The following SEL1L2 variants were observed in gnomAD, a reference collection of about 807,000 sequenced individuals.
The protein encoded by SEL1L2 is protein sel-1 homolog 2.
SEL1L2 carries 89 observed loss-of-function variants against 98.8 expected under a neutral mutation model. The ratio of observed to expected loss-of-function variants is 0.90; its 90% confidence interval spans 0.76 to 1.07. SEL1L2 has a LOEUF of 1.07. Ranked by LOEUF, SEL1L2 falls within the 50% of genes least tolerant of loss-of-function variation. The pLI is 0.00. For missense variants in SEL1L2, 788 were observed against 812.0 expected (o/e 0.97, Z 0.36); for synonymous variants, 262 against 278.5 (o/e 0.94, Z 0.59).
intron 2 of SEL1L2, among the ~76,000 whole-genome samples, chr20:13,939,832 A>G: frequency 6.6e-6 from 1 of 152,048 alleles, no homozygotes; most frequent in East Asian, 1.9e-4. Flanking sequence ...ATGCCCAGCT[A>G]ATTTTTGTGT....
intron 1 of SEL1L2, among the ~76,000 whole-genome samples, chr20:13,977,854 A>T (rs2259790): frequency 0.21 from 32,058 of 152,146 alleles, 3,845 homozygotes; most frequent in African/African-American, 0.33. Flanking sequence ...AAAAAATTCA[A>T]GGAGGCATAA....
chr20:13,994,374 T>C (rs2052593298), upstream of SEL1L2, among the ~76,000 whole-genome samples: 1 of 151,124 alleles, frequency 6.6e-6, no homozygotes, highest in Admixed American at 6.6e-5. Context: ...GAGAGTGTCC[T>C]ACTACTAAAA....
upstream of SEL1L2, among the ~76,000 whole-genome samples, chr20:13,993,056 C>T (rs527586330): frequency 6.6e-6 from 1 of 152,254 alleles, no homozygotes; most frequent in African/African-American, 2.4e-5. Flanking sequence ...GAATGACTTA[C>T]AGAAGTGAGA....
At chr20:13,956,337 A>G (rs2050542880) in intron 1 of SEL1L2, among the ~76,000 whole-genome samples, 1 of 152,166 alleles carries the variant, frequency 6.6e-6, no homozygotes, top group Non-Finnish European at 1.5e-5. Flanking sequence ...ACTTGACACC[A>G]GAGACAATCT....
intron 14 of SEL1L2, among the ~76,000 whole-genome samples, chr20:13,868,975 T>C (rs1347957653): frequency 1.3e-5 from 2 of 152,128 alleles, no homozygotes; most frequent in Admixed American, 6.5e-5. Context: ...TTGAAAGTTC[T>C]TCCCTTGGCT....
chr20:13,984,019 CTTTT>C (rs11475402), intron 1 of SEL1L2, among the ~76,000 whole-genome samples: 3 of 132,242 alleles, frequency 2.3e-5, no homozygotes, highest in African/African-American at 2.7e-5. Flanking sequence ...AATCAGATTC[CTTTT>C]TTTTTTTTTT....
intron 12 of SEL1L2, among the ~76,000 whole-genome samples, chr20:13,874,760 T>C (rs759451236): frequency 2.0e-5 from 3 of 152,174 alleles, no homozygotes; most frequent in Non-Finnish European, 4.4e-5. Flanking sequence ...TAGTCACTTA[T>C]AAATAGGCTC....
chr20:13,925,748 T>C (rs1019242810), intron 3 of SEL1L2, among the ~76,000 whole-genome samples: 2 of 152,260 alleles, frequency 1.3e-5, no homozygotes, highest in Non-Finnish European at 2.9e-5. Context: ...TTCAGCTCCT[T>C]GTGAGCCCAG....
intron 2 of SEL1L2, among the ~76,000 whole-genome samples, chr20:13,945,500 AT>A (rs2049968035): frequency 6.6e-6 from 1 of 150,506 alleles, no homozygotes; most frequent in African/African-American, 2.4e-5. Flanking sequence ...ATATATATAT[AT>A]TTACATTTCT....
chr20:13,856,150 GTT>G (rs73615558), intron 18 of SEL1L2, among the ~76,000 whole-genome samples: 6 of 147,932 alleles, frequency 4.1e-5, no homozygotes, highest in Admixed American at 1.4e-4. Context: ...GTTTTTTGGG[GTT>G]TTTTTTTTTA....
intron 1 of SEL1L2, among the ~76,000 whole-genome samples, chr20:13,957,853 G>T (rs1440023105): frequency 6.6e-6 from 1 of 152,132 alleles, no homozygotes; most frequent in African/African-American, 2.4e-5. Flanking sequence ...CTCAAGCCTG[G>T]GTGACAGAGC....
rs578190565 is a variant in SEL1L2 at position 13,893,742 on chromosome 20, G to A, written c.550-5230C>T. ...AAAAGTATACATTATTCTCAAGGGC[G>A]CACAAAAACAGTCTCCAAGATAGAT... is the stretch of plus-strand genomic sequence containing the variant. On this transcript the variant is annotated intron_variant, in intron 5 of 19. Transcript: ENST00000284951. Among the ~76,000 whole-genome samples the A allele has an allele frequency of 1.5e-4, 23 of 152,142 alleles. No individual in the cohort carries two copies. The East Asian group carries it at 2.7e-3, about 18-fold the overall frequency.
chr20:13,929,217 C>G (rs1266498903), intron 3 of SEL1L2, among the ~76,000 whole-genome samples: 1 of 152,052 alleles, frequency 6.6e-6, no homozygotes, highest in Non-Finnish European at 1.5e-5. Context: ...GCATAAGCCA[C>G]TCACTTGCAA....
rs145046283 is a variant in SEL1L2 at position 13,877,012 on chromosome 20, C to T, written c.1026+508G>A. Among the ~76,000 whole-genome samples the T allele has an allele frequency of 2.9e-3, 439 of 151,984 alleles. 2 individuals carry two copies. Among genetic ancestry groups the T allele is most frequent in the African/African-American group, 9.8e-3 (406 of 41,500 alleles). On this transcript the variant is annotated intron_variant, in intron 11 of 19. Coordinates refer to ENST00000284951, the MANE Select transcript of SEL1L2 (RefSeq NM_025229.2). The stretch of plus-strand genomic sequence containing the variant: ...CTAATTTTTGTAGTTTTAGTAGAGA[C>T]GGGGGTTTCACCATGTTGGCCAGGC...
At chr20:13,931,862 C>A in intron 2 of SEL1L2, 91 bp from the exon 3 acceptor site, 4 of 1,070,374 alleles carry the variant, frequency 3.7e-6, no homozygotes, top group East Asian at 2.8e-5. Context: ...ATATTCATGG[C>A]AAAAATACAA....
intron 2 of SEL1L2, among the ~76,000 whole-genome samples, chr20:13,941,982 A>G (rs1569011857): frequency 6.6e-6 from 1 of 152,306 alleles, no homozygotes; most frequent in East Asian, 1.9e-4. Flanking sequence ...TATCCCCCAA[A>G]ATAGTCACTG....
At chr20:13,929,201 A>G (rs1448384963) in intron 3 of SEL1L2, among the ~76,000 whole-genome samples, 2 of 152,044 alleles carry the variant, frequency 1.3e-5, no homozygotes, top group East Asian at 3.8e-4. Flanking sequence ...CGCCAGCCCC[A>G]CAATCGCATA....
intron 5 of SEL1L2, among the ~76,000 whole-genome samples, chr20:13,907,479 G>C (rs958533945): frequency 6.6e-6 from 1 of 152,092 alleles, no homozygotes; most frequent in Non-Finnish European, 1.5e-5. Context: ...TGAGGTGGGA[G>C]GATTGTTTAA....
At position 13,990,470 on chromosome 20, in the gene SEL1L2, A is replaced by C; in HGVS notation, c.58+7T>G. On this transcript the variant is annotated splice_region_variant and intron_variant, in intron 1 of 19. Transcript: ENST00000284951. ...TCATAGAGAACTCTAAGGACAAAAA[A>C]ACTTACTTTTAATTGTGACCCCAAG... 1 of 1,604,988 alleles carries C rather than the reference A, an allele frequency of 6.2e-7. No individual in the cohort carries two copies. The highest frequency in any genetic ancestry group is 8.5e-7 in the Non-Finnish European group (1 of 1,172,208).
Sources: allele counts gnomAD v4.1 joint callset (sites outside exome capture counted in the v4.1 genomes callset), GRCh38; gene constraint gnomAD v4.1.1; transcripts MANE v1.5; gene names NCBI Gene and HGNC (gene_info 2026-07-23, HGNC 2026-07-21).